The following LRRC7 variants were observed in gnomAD, a reference collection of about 807,000 sequenced individuals.
LRRC7 encodes leucine-rich repeat-containing protein 7.
Under a neutral mutation model 175.7 loss-of-function variants are expected in LRRC7, and 23 were observed. The ratio of observed to expected loss-of-function variants is 0.13; its 90% confidence interval spans 0.09 to 0.19. The LOEUF is 0.19. LRRC7 is among the 10% of genes least tolerant of loss of function. The probability of loss-of-function intolerance (pLI) is 1.00; values close to 1 mark genes in which losing one functional copy is unlikely to be tolerated. For missense variants in LRRC7, 1,354 were observed against 1,904.7 expected, an observed-to-expected ratio of 0.71 and a Z score of 5.38; for synonymous variants, 685 against 680.9, an observed-to-expected ratio of 1.01 and a Z score of -0.09.
At chr1:69,924,467 T>A (rs910146499) in intron 7 of LRRC7, among the ~76,000 whole-genome samples, 6 of 152,156 alleles carry the variant, frequency 3.9e-5, no homozygotes, top group African/African-American at 1.4e-4. Flanking sequence ...TATCCTCTTT[T>A]ATTTCATTGA....
At chr1:69,840,932 G>T (rs1681654639) in intron 7 of LRRC7, among the ~76,000 whole-genome samples, 1 of 152,128 alleles carries the variant, frequency 6.6e-6, no homozygotes, top group Non-Finnish European at 1.5e-5. Flanking sequence ...AAAATGTGTA[G>T]ATGGTAGAGA....
At position 69,998,461 on chromosome 1, in the gene LRRC7, C is replaced by G. The variant is rs115601540; in HGVS notation, c.1004+3828C>G. Among the ~76,000 whole-genome samples the G allele has an allele frequency of 7.8e-3, 1,185 of 152,214 alleles. 12 individuals are homozygous for G. The highest frequency in any genetic ancestry group is 0.02 in the Middle Eastern group (6 of 294). The stretch of plus-strand genomic sequence containing the variant: ...TGCCCTCACTATACAGTGTGTTTCT[C>G]TGTACAGTTACTTGCATTTTCTCCA... On this transcript the variant is annotated intron_variant, in intron 11 of 26. Coordinates refer to ENST00000651989, the MANE Select transcript of LRRC7 (RefSeq NM_001370785.2).
chr1:69,591,874 A>G (rs1646650080), intron 1 of LRRC7, among the ~76,000 whole-genome samples: 1 of 152,054 alleles, frequency 6.6e-6, no homozygotes, highest in South Asian at 2.1e-4. Context: ...TACCTCAGTA[A>G]TACAAAAACT....
intron 26 of LRRC7, among the ~76,000 whole-genome samples, chr1:70,111,261 T>G (rs753656965): frequency 1.1e-3 from 175 of 152,334 alleles, no homozygotes; most frequent in Non-Finnish European, 1.7e-3. Context: ...AGCTATGATA[T>G]TATGAGCATG....
Position 69,986,236 on chromosome 1 carries a change from A to G in LRRC7, c.787-6A>G. ...ACTAACCCTGAGTTTATGCAATGTC[A>G]TCAAGTCTATAGGGAAGTTAAAGAT... is the stretch of plus-strand genomic sequence containing the variant. On this transcript the variant is annotated splice_polypyrimidine_tract_variant and splice_region_variant and intron_variant, in intron 9 of 26. Coordinates refer to ENST00000651989, the MANE Select transcript of LRRC7 (RefSeq NM_001370785.2). 6.2e-7 allele frequency: 1 copy of G among 1,611,348 alleles called. No individual in the cohort carries two copies. Among genetic ancestry groups the G allele is most frequent in the Non-Finnish European group, 8.5e-7 (1 of 1,178,406 alleles).
intron 8 of LRRC7, among the ~76,000 whole-genome samples, chr1:69,938,997 ATATATATATATATATATC>A (rs1194317839): frequency 1.0e-5 from 1 of 96,024 alleles, no homozygotes; most frequent in Non-Finnish European, 2.2e-5. Flanking sequence ...GCTGTAGATT[ATATATATATATATATATC>A]TATATATATA....
At chr1:69,713,315 G>C (rs1664990732) in intron 2 of LRRC7, among the ~76,000 whole-genome samples, 1 of 147,266 alleles carries the variant, frequency 6.8e-6, no homozygotes, top group South Asian at 2.2e-4. Flanking sequence ...GTGAGACTTG[G>C]TCTCTCAAAA....
At chr1:69,789,160 T>C (rs1234766610) in intron 3 of LRRC7, among the ~76,000 whole-genome samples, 1 of 152,158 alleles carries the variant, frequency 6.6e-6, no homozygotes, top group Non-Finnish European at 1.5e-5. Context: ...TTGGTGTCAG[T>C]AATTTATATT....
Position 70,036,177 on chromosome 1 carries a change from A to G in LRRC7, c.2052A>G (p.Leu684=), listed in dbSNP as rs552239657. Residue 684 remains leucine (L), a synonymous_variant, in exon 19 of 27, where the codon TTA becomes TTG. Transcript: ENST00000651989. The part of the protein sequence containing the change: ...EMRIGELHPS[L]AETPLYPPKL... The stretch of plus-strand genomic sequence containing the variant: ...GGATTGGGGAACTTCACCCTTCATT[A>G]GCTGAGACCCCTCTGTACCCACCCA... 3.1e-6 allele frequency: 5 copies of G among 1,613,624 alleles called. No individual in the cohort carries two copies. The highest frequency in any genetic ancestry group is 2.2e-5 in the East Asian group (1 of 44,852).
intron 26 of LRRC7, among the ~76,000 whole-genome samples, chr1:70,116,452 C>T (rs1038555065): frequency 2.0e-5 from 3 of 148,342 alleles, no homozygotes; most frequent in Admixed American, 6.9e-5. Flanking sequence ...GAGGCTGAGG[C>T]GGGAGAATGG....
intron 18 of LRRC7, among the ~76,000 whole-genome samples, chr1:70,035,290 C>G (rs1039387492): frequency 1.3e-5 from 2 of 152,042 alleles, no homozygotes; most frequent in Non-Finnish European, 2.9e-5. Flanking sequence ...GGTATTTTAC[C>G]TTCCCCTAAT....
At chr1:70,120,347 C>T (rs948465646) in intron 26 of LRRC7, among the ~76,000 whole-genome samples, 2 of 151,954 alleles carry the variant, frequency 1.3e-5, no homozygotes, top group Admixed American at 6.6e-5. Context: ...CTTCTAATTA[C>T]ATGAATTTCC....
chr1:69,927,458 A>T (rs1647119637), intron 7 of LRRC7, among the ~76,000 whole-genome samples: 1 of 152,054 alleles, frequency 6.6e-6, no homozygotes, highest in African/African-American at 2.4e-5. Flanking sequence ...TCAGACATAG[A>T]TTTGGTCTTT....
chr1:69,797,726 A>G (rs1484267577), intron 4 of LRRC7, among the ~76,000 whole-genome samples: 3 of 152,166 alleles, frequency 2.0e-5, no homozygotes, highest in East Asian at 3.9e-4. Context: ...CATTCTCCAC[A>G]AAATAGCTTT....
At chr1:70,032,972 A>G (rs961125830) in intron 18 of LRRC7, among the ~76,000 whole-genome samples, 2 of 152,222 alleles carry the variant, frequency 1.3e-5, no homozygotes, top group South Asian at 2.1e-4. Context: ...TTCCTCTGTC[A>G]TTGCCCGTAG....
At chr1:69,932,913 G>A (rs138251287) in intron 8 of LRRC7, among the ~76,000 whole-genome samples, 5 of 152,330 alleles carry the variant, frequency 3.3e-5, no homozygotes, top group Middle Eastern at 3.4e-3. Flanking sequence ...CTGTTAAATC[G>A]TCAGTTCTGA....
In LRRC7 at chr1:70,013,100, A is replaced by C; in HGVS notation, c.1250+11A>C. ...TTTGAGTGACAACAGGTATTTTTGC[A>C]ACATTTCACAATCACATATTAGTTA... On this transcript the variant is annotated intron_variant, in intron 13 of 26. Transcript: ENST00000651989. The C allele has an allele frequency of 6.9e-7, 1 of 1,447,216 alleles. No individual in the cohort carries two copies. The highest frequency in any genetic ancestry group is 1.4e-5 in the African/African-American group (1 of 70,332). 89.6% of individuals were successfully genotyped at this position (1,447,216 alleles called of 1,614,324 possible). A position where few individuals can be genotyped will look rare whatever the true frequency, so the allele number is the denominator to read the frequency against.
intron 23 of LRRC7, among the ~76,000 whole-genome samples, chr1:70,070,031 T>C (rs1054179096): frequency 6.6e-6 from 1 of 152,178 alleles, no homozygotes; most frequent in Non-Finnish European, 1.5e-5. Flanking sequence ...TCTCACTCTG[T>C]CTTCCAGGCT....
chr1:69,665,221 T>C (rs1191093407), intron 1 of LRRC7, among the ~76,000 whole-genome samples: 1 of 152,230 alleles, frequency 6.6e-6, no homozygotes, highest in South Asian at 2.1e-4. Flanking sequence ...TGTAGTGTAA[T>C]TTAAAGGCAG....
Sources: allele counts gnomAD v4.1 joint callset (sites outside exome capture counted in the v4.1 genomes callset), GRCh38; gene constraint gnomAD v4.1.1; transcripts MANE v1.5; gene names NCBI Gene and HGNC (gene_info 2026-07-23, HGNC 2026-07-21).